The following PHKA1 variants were observed in gnomAD, a reference collection of about 807,000 sequenced individuals.
PHKA1 encodes the protein phosphorylase kinase regulatory subunit alpha 1.
PHKA1 carries 60 observed loss-of-function variants against 110.2 expected under a neutral mutation model. That is an observed-to-expected ratio of 0.54 (90% CI 0.44 to 0.68). The LOEUF is 0.68. PHKA1 is among the 30% of genes least tolerant of loss of function. The probability of loss-of-function intolerance (pLI) is 0.00; values close to 1 mark genes in which losing one functional copy is unlikely to be tolerated. For missense variants in PHKA1, 801 were observed against 942.5 expected (o/e 0.85, Z 1.97); for synonymous variants, 316 against 333.6 (o/e 0.95, Z 0.58).
intron 21 of PHKA1, among the ~76,000 whole-genome samples, chrX:72,611,885 T>C (rs1321116224): frequency 1.8e-5 from 2 of 111,953 alleles, no homozygotes; most frequent in Non-Finnish European, 3.8e-5. Context: ...TGGAAATATA[T>C]ATCAGTATTG....
intron 5 of PHKA1, among the ~76,000 whole-genome samples, chrX:72,682,056 C>T (rs1603270709): frequency 1.1e-5 from 1 of 88,809 alleles, no homozygotes; most frequent in Non-Finnish European, 2.2e-5. Flanking sequence ...CCCGGCCAGC[C>T]GCCCCGTCCG....
At chrX:72,684,361 G>A in intron 5 of PHKA1, 137 bp downstream of exon 5, 1 of 485,204 alleles carries the variant, frequency 2.1e-6, no homozygotes, top group Non-Finnish European at 3.7e-6. Context: ...AAAGAAAGAG[G>A]CTAAAGACAA....
chrX:72,636,253 C>T (rs1253404232), intron 15 of PHKA1, 24 bp downstream of exon 15: 6 of 885,161 alleles, frequency 6.8e-6, no homozygotes, highest in Non-Finnish European at 1.0e-5. Flanking sequence ...CATCTCAATG[C>T]ACATTCCAGT....
chrX:72,688,901 G>A (rs1329457879), intron 4 of PHKA1: 1 of 112,036 alleles, frequency 8.9e-6, no homozygotes, highest in Non-Finnish European at 1.9e-5. Flanking sequence ...TTAACCACAG[G>A]AAAGGGATCA....
intron 27 of PHKA1, 54 bp from the exon 28 acceptor site, chrX:72,602,083 C>T: frequency 1.8e-6 from 2 of 1,104,359 alleles, no homozygotes; most frequent in Non-Finnish European, 2.5e-6. Flanking sequence ...AATAAATGAC[C>T]CAACAAAGTC....
chrX:72,657,222 G>T (rs1236503000), intron 9 of PHKA1, among the ~76,000 whole-genome samples: 2 of 112,307 alleles, frequency 1.8e-5, no homozygotes, highest in African/African-American at 6.5e-5. Flanking sequence ...TCTACTGATG[G>T]AAAGATTTTT....
At chrX:72,635,922 G>C (rs782050480) in intron 15 of PHKA1, among the ~76,000 whole-genome samples, 8 of 111,684 alleles carry the variant, frequency 7.2e-5, no homozygotes, top group Non-Finnish European at 9.4e-5. Flanking sequence ...TCCAAACAAA[G>C]AAAACATAAT....
intron 8 of PHKA1, among the ~76,000 whole-genome samples, chrX:72,664,399 C>T (rs1296958560): frequency 3.6e-5 from 4 of 111,502 alleles, no homozygotes; most frequent in Non-Finnish European, 7.6e-5. Context: ...AATATATATG[C>T]ACCTAACATT....
chrX:72,639,951 T>C (rs1556294239), intron 14 of PHKA1, among the ~76,000 whole-genome samples: 25 of 112,161 alleles, frequency 2.2e-4, no homozygotes. Context: ...AACCTATATA[T>C]GAACTATTCA....
intron 28 of PHKA1, among the ~76,000 whole-genome samples, chrX:72,597,622 A>G (rs2052607730): frequency 8.9e-6 from 1 of 112,148 alleles, no homozygotes; most frequent in Non-Finnish European, 1.9e-5. Context: ...CATCAGGGTA[A>G]ATGGGGTATC....
chrX:72,713,293 A>G (rs1556335572), intron 1 of PHKA1, among the ~76,000 whole-genome samples: 1 of 111,137 alleles, frequency 9.0e-6, no homozygotes, highest in African/African-American at 3.3e-5. Context: ...TCTCTTAGTA[A>G]ATTTCAAGTA....
chrX:72,625,254 C>T (rs1256141122), intron 17 of PHKA1, among the ~76,000 whole-genome samples: 2 of 111,582 alleles, frequency 1.8e-5, no homozygotes, highest in Admixed American at 9.5e-5. Flanking sequence ...ACCTACCTCT[C>T]GCCCTCCATC....
At chrX:72,687,836 T>A (rs2053985991) in intron 4 of PHKA1, among the ~76,000 whole-genome samples, 1 of 108,642 alleles carries the variant, frequency 9.2e-6, no homozygotes, top group Non-Finnish European at 1.9e-5. Context: ...AAACTTTTTT[T>A]TTTTTTTTGA....
intron 4 of PHKA1, among the ~76,000 whole-genome samples, chrX:72,693,783 CT>C (rs1716905242): frequency 9.0e-6 from 1 of 111,435 alleles, no homozygotes; most frequent in Admixed American, 9.5e-5. Context: ...TGTCCCTAAA[CT>C]GGGAACTAGC....
At chrX:72,626,754 T>C (rs1393987782) in intron 17 of PHKA1, among the ~76,000 whole-genome samples, 2 of 111,373 alleles carry the variant, frequency 1.8e-5, no homozygotes, top group African/African-American at 3.3e-5. Context: ...ATAAAAGTTA[T>C]GTGAACGTAG....
chrX:72,648,565 T>C (rs1463274641), intron 13 of PHKA1, among the ~76,000 whole-genome samples: 4 of 110,933 alleles, frequency 3.6e-5, no homozygotes, highest in African/African-American at 6.6e-5. Flanking sequence ...CTCATTTGTG[T>C]CTTTTTTTTT....
intron 19 of PHKA1, among the ~76,000 whole-genome samples, chrX:72,620,515 T>C (rs2052961077): frequency 8.9e-6 from 1 of 112,166 alleles, no homozygotes; most frequent in African/African-American, 3.2e-5. Context: ...TAAACCAGAC[T>C]ACATAGCACT....
chrX:72,672,056 CTG>C (rs1193986647), intron 6 of PHKA1, among the ~76,000 whole-genome samples: 1 of 112,390 alleles, frequency 8.9e-6, no homozygotes, highest in African/African-American at 3.2e-5. Context: ...CAGGTGGAAA[CTG>C]TCATGCTTCT....
chrX:72,650,501 A>C (rs1230066845), intron 12 of PHKA1, 33 bp from the exon 13 acceptor site: 1 of 1,091,737 alleles, frequency 9.2e-7, no homozygotes, highest in Non-Finnish European at 1.3e-6. Context: ...CAGATTATTA[A>C]GTCTCAAAAG....
Sources: allele counts gnomAD v4.1 joint callset (sites outside exome capture counted in the v4.1 genomes callset), GRCh38; gene constraint gnomAD v4.1.1; transcripts MANE v1.5; gene names NCBI Gene and HGNC (gene_info 2026-07-23, HGNC 2026-07-21).